Variants in DLG5 observed in about 807,000 individuals in gnomAD.
DLG5 encodes the protein disks large homolog 5.
DLG5 carries 48 observed loss-of-function variants against 189.8 expected under a neutral mutation model. The observed-to-expected ratio is 0.25, with a 90% confidence interval of 0.20 to 0.32. The LOEUF is 0.32. Ranked by LOEUF, DLG5 falls within the 10% of genes least tolerant of loss-of-function variation. The probability of loss-of-function intolerance (pLI) is 1.00; values close to 1 mark genes in which losing one functional copy is unlikely to be tolerated. For synonymous variants in DLG5, 1,016 were observed against 1,054.1 expected (o/e 0.96, Z 0.70); for missense variants, 2,160 against 2,544.7 (o/e 0.85, Z 3.25).
At chr10:77,904,851 G>A (rs773206739) in intron 1 of DLG5, among the ~76,000 whole-genome samples, 4 of 149,826 alleles carry the variant, frequency 2.7e-5, no homozygotes, top group African/African-American at 4.9e-5. Context: ...GGCTCCGGCC[G>A]GGCGCGGTGG....
At chr10:77,937,874 A>ATTTT in the DLG5 span, among the ~76,000 whole-genome samples, 15 of 104,096 alleles carry the variant, frequency 1.4e-4, no homozygotes, top group African/African-American at 4.9e-4. Flanking sequence ...CACTCAGCTA[A>ATTTT]TTTTTTTTTT....
chr10:77,940,322 G>A, the DLG5 span, among the ~76,000 whole-genome samples: 2 of 152,192 alleles, frequency 1.3e-5, no homozygotes. Flanking sequence ...AGTGATGGTA[G>A]CTGACTCCCT....
chr10:77,849,027 A>G (rs1843831096), intron 5 of DLG5, among the ~76,000 whole-genome samples: 1 of 152,226 alleles, frequency 6.6e-6, no homozygotes, highest in Admixed American at 6.5e-5. Context: ...GAATCCAAGA[A>G]GGTGCACTCG....
chr10:77,817,580 A>C (rs1328436667), intron 18 of DLG5, among the ~76,000 whole-genome samples, 197 bp downstream of exon 18: 1 of 152,268 alleles, frequency 6.6e-6, no homozygotes, highest in Non-Finnish European at 1.5e-5. Flanking sequence ...GGAAGGCGAA[A>C]GCAATGGCTC....
chr10:77,811,354 G>A (rs1568130555), intron 22 of DLG5, 120 bp from the exon 23 acceptor site: 5 of 1,275,978 alleles, frequency 3.9e-6, no homozygotes, highest in Non-Finnish European at 5.3e-6. Context: ...CCTGCACCCT[G>A]TGCCCTGAGC....
chr10:77,922,686 C>G (rs1242830493), intron 1 of DLG5, among the ~76,000 whole-genome samples: 1 of 152,074 alleles, frequency 6.6e-6, no homozygotes, highest in Non-Finnish European at 1.5e-5. Context: ...GCCCTGGAAC[C>G]AAAGATCATA....
chr10:77,806,718 A>AGCCCGCCCC, intron 26 of DLG5, 40 bp downstream of exon 26: 1 of 1,333,654 alleles, frequency 7.5e-7, no homozygotes, highest in Non-Finnish European at 1.1e-6. Flanking sequence ...GCCCTCGGCG[A>AGCCCGCCCC]CCCCTGCCCC....
intron 15 of DLG5, 125 bp from the exon 16 acceptor site, chr10:77,820,143 C>A: frequency 1.5e-6 from 2 of 1,321,982 alleles, no homozygotes; most frequent in South Asian, 2.9e-5. Context: ...GTCAGGAGTT[C>A]AAGACCACCC....
Position 77,819,485 on chromosome 10 carries a change from G to GA in DLG5, c.3527-21dup, listed in dbSNP as rs1189346780. 6.2e-7 allele frequency: 1 copy of GA among 1,606,410 alleles called. No individual in the cohort carries two copies. Among genetic ancestry groups the GA allele is most frequent in the Non-Finnish European group, 8.5e-7 (1 of 1,176,996 alleles). On this transcript the variant is annotated intron_variant, in intron 16 of 31. Transcript: ENST00000372391. ...CAGTGCCTAGAAATGGGCTTGGTGA[G>GA]AAAAGACGCCCCAAAGGACCCAGCC... is the stretch of plus-strand genomic sequence containing the variant.
At chr10:77,804,607 G>A (rs1228067211) in intron 27 of DLG5, among the ~76,000 whole-genome samples, 1 of 152,202 alleles carries the variant, frequency 6.6e-6, no homozygotes, top group African/African-American at 2.4e-5. Flanking sequence ...AGGGCCCTGG[G>A]AGCCACGTTC....
At chr10:77,794,441 G>C (rs546696695) in intron 30 of DLG5, among the ~76,000 whole-genome samples, 4 of 152,208 alleles carry the variant, frequency 2.6e-5, no homozygotes, top group African/African-American at 9.6e-5. Flanking sequence ...CACAGGAGCC[G>C]AAGCTCAGCG....
chr10:77,937,021 C>G, the DLG5 span, among the ~76,000 whole-genome samples: 22 of 152,222 alleles, frequency 1.4e-4, no homozygotes, highest in African/African-American at 5.3e-4. Flanking sequence ...TCCTGGTCAG[C>G]CTAGTTTTCC....
At chr10:77,921,139 A>G (rs1266955137) in intron 1 of DLG5, among the ~76,000 whole-genome samples, 1 of 152,188 alleles carries the variant, frequency 6.6e-6, no homozygotes, top group Non-Finnish European at 1.5e-5. Context: ...TGAGCCCAGG[A>G]GTTTGAGGCT....
intron 2 of DLG5, among the ~76,000 whole-genome samples, chr10:77,862,149 C>T (rs1387564053): frequency 6.6e-6 from 1 of 152,162 alleles, no homozygotes; most frequent in African/African-American, 2.4e-5. Context: ...TGATGCAGTC[C>T]TACCATCCAA....
chr10:77,883,328 C>T (rs1845339337), intron 1 of DLG5, among the ~76,000 whole-genome samples: 1 of 151,948 alleles, frequency 6.6e-6, no homozygotes, highest in Non-Finnish European at 1.5e-5. Context: ...TTGGGGCATC[C>T]CAGAAGGTGA....
intron 1 of DLG5, among the ~76,000 whole-genome samples, chr10:77,924,409 G>A (rs1209259991): frequency 2.6e-5 from 4 of 152,112 alleles, no homozygotes; most frequent in Non-Finnish European, 5.9e-5. Flanking sequence ...GAAAGGGTGA[G>A]ACCTAATTAA....
chr10:77,819,423 G>A lies in DLG5; in HGVS notation c.3569C>T (p.Ser1190Phe). The change falls in exon 17 of 32, where the codon TCC becomes TTC. Residue 1190 changes from serine to phenylalanine, a missense_variant. Coordinates refer to ENST00000372391, the MANE Select transcript of DLG5 (RefSeq NM_004747.4). ...RSLTPSTTVSSILRNPIYTVR... is the reference protein window; with the variant it reads ...RSLTPSTTVSFILRNPIYTVR... ...AGTGTAGATGGGGTTCCGCAGGATG[G>A]AGCTCACAGTGGTGCTGGGGGTCAA... 1.2e-6 allele frequency: 2 copies of A among 1,613,774 alleles called. No individual in the cohort carries two copies. The highest frequency in any genetic ancestry group is 1.3e-5 in the African/African-American group (1 of 74,948).
At chr10:77,864,476 G>C (rs1326028284) in intron 2 of DLG5, among the ~76,000 whole-genome samples, 1 of 152,184 alleles carries the variant, frequency 6.6e-6, no homozygotes, top group African/African-American at 2.4e-5. Context: ...AGGACACCCA[G>C]AGCCGTCCAG....
chr10:77,801,098 A>C (rs1382729893), intron 27 of DLG5, among the ~76,000 whole-genome samples: 1 of 152,206 alleles, frequency 6.6e-6, no homozygotes, highest in Non-Finnish European at 1.5e-5. Context: ...TCAATAAACA[A>C]TAACTAGGCA....
Sources: gnomAD v4.1 joint callset for allele counts (sites outside exome capture counted in the v4.1 genomes callset) on GRCh38, gnomAD v4.1.1 for gene constraint, MANE v1.5 for transcripts, NCBI Gene and HGNC (gene_info 2026-07-23, HGNC 2026-07-21) for gene names.